SPATS2: variants seen among roughly 807,000 people sequenced by gnomAD.
SPATS2 encodes the protein spermatogenesis associated serine rich 2.
SPATS2 carries 38 observed loss-of-function variants against 63.7 expected under a neutral mutation model. The observed-to-expected ratio is 0.60, with a 90% CI of 0.46 to 0.78. The LOEUF is 0.78. Ranked by LOEUF, SPATS2 falls within the 30% of genes least tolerant of loss-of-function variation. The pLI is 0.00. For synonymous variants in SPATS2, 207 were observed against 232.9 expected (o/e 0.89, Z 1.01); for missense variants, 588 against 666.2 (o/e 0.88, Z 1.29).
rs1565766922 is a variant in SPATS2 at position 49,526,422 on chromosome 12, T to C, written c.*167T>C. On this transcript the variant is annotated 3_prime_UTR_variant, in exon 14 of 14. Transcript: ENST00000552918. ...TTGTCTCCTTATTTCCTCTTTACCATTTTTGGAGGGGAAGCTATTTTTTTT... is the reference window on the plus strand; with the variant it reads ...TTGTCTCCTTATTTCCTCTTTACCACTTTTGGAGGGGAAGCTATTTTTTTT... 1.2e-6 allele frequency: 1 copy of C among 819,882 alleles called. No individual in the cohort carries two copies. The highest frequency in any genetic ancestry group is 1.8e-6 in the Non-Finnish European group (1 of 546,888). The allele number at this position is 819,882 out of a possible 1,614,324, so 50.8% of individuals were successfully genotyped here.
At chr12:49,498,145 A>AAAAAAAAAATATATAT (rs66900382) in intron 8 of SPATS2, among the ~76,000 whole-genome samples, 1 of 98,980 alleles carries the variant, frequency 1.0e-5, no homozygotes, top group Non-Finnish European at 1.9e-5. Context: ...AAAAAAAAAA[A>AAAAAAAAAATATATAT]ATATATATAT....
intron 3 of SPATS2, among the ~76,000 whole-genome samples, chr12:49,474,469 T>C (rs375727581): frequency 4.6e-5 from 7 of 152,242 alleles, no homozygotes; most frequent in Non-Finnish European, 7.3e-5. Context: ...TTCTGTACTT[T>C]GAAGCAAGGT....
At chr12:49,512,070 G>GC (rs1946762712) in intron 9 of SPATS2, among the ~76,000 whole-genome samples, 1 of 152,092 alleles carries the variant, frequency 6.6e-6, no homozygotes, top group Non-Finnish European at 1.5e-5. Context: ...CAACTATAAT[G>GC]CCATTATATA....
In SPATS2 at chr12:49,487,944, A is replaced by G. The variant is rs1444466045; in HGVS notation, c.106-1521A>G. On this transcript the variant is annotated intron_variant, in intron 4 of 13. Coordinates refer to ENST00000552918, the MANE Select transcript of SPATS2 (RefSeq NM_023071.4). ...GCAAAACATGCCACAGTTACCTATT[A>G]ATAGTTCAAGCTCACTATTCTGGGT... 8.5e-5 allele frequency among the ~76,000 whole-genome samples: 13 copies of G among 152,190 alleles called. No individual in the cohort carries two copies. In the East Asian group the frequency reaches 2.5e-3, roughly 29 times the overall value.
chr12:49,456,911 A>G (rs1018617978), intron 2 of SPATS2, among the ~76,000 whole-genome samples: 1 of 151,848 alleles, frequency 6.6e-6, no homozygotes, highest in African/African-American at 2.4e-5. Context: ...TTCTATTATA[A>G]TTGTTTTCTC....
At chr12:49,445,826 G>A (rs985889288) in intron 2 of SPATS2, among the ~76,000 whole-genome samples, 6 of 151,892 alleles carry the variant, frequency 4.0e-5, no homozygotes, top group Admixed American at 1.3e-4. Flanking sequence ...TGCCTGGCCT[G>A]GCTTGCTAAT....
At chr12:49,438,790 CTTCA>C (rs554805108) in intron 2 of SPATS2, among the ~76,000 whole-genome samples, 14 of 152,180 alleles carry the variant, frequency 9.2e-5, no homozygotes, top group Non-Finnish European at 1.3e-4. Flanking sequence ...CAGGAGTACT[CTTCA>C]TTCATTCATT....
chr12:49,515,395 C>T (rs1946821726), intron 10 of SPATS2, among the ~76,000 whole-genome samples: 1 of 152,112 alleles, frequency 6.6e-6, no homozygotes, highest in Non-Finnish European at 1.5e-5. Flanking sequence ...TTAACCCACC[C>T]CCAAACTGGT....
At chr12:49,438,660 G>A (rs544683177) in intron 2 of SPATS2, among the ~76,000 whole-genome samples, 5 of 152,196 alleles carry the variant, frequency 3.3e-5, no homozygotes, top group Non-Finnish European at 5.9e-5. Context: ...GCATCTTGCC[G>A]ATGAGCAATA....
chr12:49,384,794 C>G (rs1944282328), intron 2 of SPATS2, among the ~76,000 whole-genome samples: 1 of 151,826 alleles, frequency 6.6e-6, no homozygotes, highest in Admixed American at 6.6e-5. Flanking sequence ...CATACGTTTG[C>G]TCATGCCAAA....
intron 3 of SPATS2, among the ~76,000 whole-genome samples, chr12:49,478,739 GTCTT>G (rs1021732601): frequency 4.6e-5 from 7 of 152,064 alleles, no homozygotes; most frequent in Non-Finnish European, 7.4e-5. Flanking sequence ...ACCTCTTCTG[GTCTT>G]TCTTTGGCCA....
intron 9 of SPATS2, among the ~76,000 whole-genome samples, chr12:49,504,438 A>C (rs982084882): frequency 6.6e-6 from 1 of 152,172 alleles, no homozygotes; most frequent in African/African-American, 2.4e-5. Context: ...ACTTAAGTTT[A>C]AGGATATTAA....
At chr12:49,401,847 A>G (rs922547189) in intron 2 of SPATS2, among the ~76,000 whole-genome samples, 20 of 152,264 alleles carry the variant, frequency 1.3e-4, no homozygotes, top group African/African-American at 4.8e-4. Flanking sequence ...ACAGCCATGT[A>G]GCACACTGCC....
intron 6 of SPATS2, among the ~76,000 whole-genome samples, chr12:49,492,524 C>T (rs1007260137): frequency 2.0e-5 from 3 of 152,080 alleles, no homozygotes; most frequent in Non-Finnish European, 4.4e-5. Context: ...ACCCAGCTAA[C>T]ACCAGTTTCT....
intron 10 of SPATS2, among the ~76,000 whole-genome samples, chr12:49,516,785 A>G (rs1331597496): frequency 6.6e-6 from 1 of 152,146 alleles, no homozygotes; most frequent in Admixed American, 6.6e-5. Context: ...ACTCAGCTTC[A>G]ACCAATTATC....
intron 2 of SPATS2, among the ~76,000 whole-genome samples, chr12:49,381,522 A>G (rs951523215): frequency 2.0e-5 from 3 of 152,214 alleles, no homozygotes; most frequent in Admixed American, 6.5e-5. Context: ...ACATAAAATC[A>G]GTTTATCTTT....
chr12:49,453,767 C>T lies in SPATS2; in HGVS notation c.-243-7003C>T, dbSNP rs1304746364. Among the ~76,000 whole-genome samples the T allele has an allele frequency of 4.0e-5, 6 of 151,200 alleles. No individual in the cohort carries two copies. The South Asian group carries it at 1.0e-3, about 26-fold the overall frequency. ...GTTTGAGGTTGCAGTGAGCTATGAT[C>T]GTGCCACTCCCTGGGCAACGGAGGA... On this transcript the variant is annotated intron_variant, in intron 2 of 13. Coordinates refer to ENST00000552918, the MANE Select transcript of SPATS2 (RefSeq NM_023071.4).
intron 2 of SPATS2, among the ~76,000 whole-genome samples, chr12:49,453,989 A>C (rs1945673153): frequency 1.3e-5 from 2 of 148,316 alleles, no homozygotes; most frequent in African/African-American, 5.0e-5. Flanking sequence ...CAGCCTCCCG[A>C]GTAGCTGGGA....
chr12:49,405,955 A>G (rs1490363166), intron 2 of SPATS2, among the ~76,000 whole-genome samples: 1 of 152,200 alleles, frequency 6.6e-6, no homozygotes, highest in East Asian at 1.9e-4. Flanking sequence ...GACATTTGAA[A>G]ATTACATTAA....
Sources: allele counts gnomAD v4.1 joint callset (sites outside exome capture counted in the v4.1 genomes callset), GRCh38; gene constraint gnomAD v4.1.1; transcripts MANE v1.5; gene names NCBI Gene and HGNC (gene_info 2026-07-23, HGNC 2026-07-21).